DNM3: variants seen among roughly 807,000 people sequenced by gnomAD.
The protein encoded by DNM3 is dynamin-3.
Under a neutral mutation model 101.6 loss-of-function variants are expected in DNM3, and 47 were observed. That is an observed-to-expected ratio of 0.46 (90% CI 0.37 to 0.59). The LOEUF is 0.59. Ranked by LOEUF, DNM3 falls within the 20% of genes least tolerant of loss-of-function variation. DNM3 has a pLI of 0.00. For missense variants in DNM3, 849 were observed against 1,085.7 expected (o/e 0.78, Z 3.06); for synonymous variants, 385 against 387.9 (o/e 0.99, Z 0.09).
chr1:172,402,062 T>C (rs558676812), intron 20 of DNM3, among the ~76,000 whole-genome samples: 3 of 152,284 alleles, frequency 2.0e-5, no homozygotes, highest in African/African-American at 7.2e-5. Flanking sequence ...CTTGGGACAC[T>C]GCCCTCAGCA....
rs371582299 is a variant in DNM3 at position 172,388,753 on chromosome 1, C to T, written c.2466C>T (p.Phe822=). 8.4e-5 allele frequency: 136 copies of T among 1,610,142 alleles called. No individual in the cohort carries two copies. The African/African-American group carries it at 1.0e-3, about 12-fold the overall frequency. Residue 822 remains phenylalanine (F), a synonymous_variant, in exon 20 of 21, where the codon TTC becomes TTT. Coordinates refer to ENST00000627582, the MANE Select transcript of DNM3 (RefSeq NM_015569.5). ...LPPFPSSSDS[F]GAPPQVPSRP... ...CTTTCCCCAGCAGCAGTGACTCCTT[C>T]GGAGCCCCTCCACAAGTTCCATCTA...
chr1:172,153,012 G>A (rs542050154), intron 14 of DNM3, among the ~76,000 whole-genome samples: 1 of 152,122 alleles, frequency 6.6e-6, no homozygotes, highest in African/African-American at 2.4e-5. Flanking sequence ...GATTTAATTA[G>A]TTATATTTAC....
At chr1:171,883,052 T>C (rs1441011155) in intron 1 of DNM3, among the ~76,000 whole-genome samples, 1 of 151,906 alleles carries the variant, frequency 6.6e-6, no homozygotes, top group South Asian at 2.1e-4. Flanking sequence ...TTATTCTGTA[T>C]GTTCAATTTT....
intron 15 of DNM3, among the ~76,000 whole-genome samples, chr1:172,261,347 G>T (rs10911433): frequency 6.6e-6 from 1 of 152,118 alleles, no homozygotes; most frequent in Non-Finnish European, 1.5e-5. Context: ...CTGACTATGC[G>T]TAGTGGTGTA....
chr1:172,324,312 C>T (rs1035016833), intron 17 of DNM3, among the ~76,000 whole-genome samples: 4 of 152,206 alleles, frequency 2.6e-5, no homozygotes, highest in East Asian at 1.9e-4. Flanking sequence ...AGCTGGAATT[C>T]GTCAAAATTT....
chr1:172,235,642 A>C (rs1201048406), intron 14 of DNM3, among the ~76,000 whole-genome samples: 2 of 152,208 alleles, frequency 1.3e-5, no homozygotes, highest in Non-Finnish European at 2.9e-5. Flanking sequence ...TGGCACATAT[A>C]CACCATGGAA....
chr1:172,106,885 G>A (rs2055079765), intron 13 of DNM3, among the ~76,000 whole-genome samples: 1 of 94,518 alleles, frequency 1.1e-5, no homozygotes, highest in Non-Finnish European at 1.8e-5. Flanking sequence ...ACGGAGTCTC[G>A]CTCTGTCGCC....
chr1:171,984,173 C>A lies in DNM3; in HGVS notation c.236-3483C>A, dbSNP rs529202237. Among the ~76,000 whole-genome samples, 4 of 152,242 alleles carry A rather than the reference C, an allele frequency of 2.6e-5. No individual in the cohort carries two copies. In the East Asian group the frequency reaches 7.7e-4, roughly 29 times the overall value. On this transcript the variant is annotated intron_variant, in intron 2 of 20. Coordinates refer to ENST00000627582, the MANE Select transcript of DNM3 (RefSeq NM_015569.5). ...TGGTCTAAGCCTCAGCAGCTCTCCCCGGGATGATTTCAATAGTAAGCTTCC... is the reference window on the plus strand; with the variant it reads ...TGGTCTAAGCCTCAGCAGCTCTCCCAGGGATGATTTCAATAGTAAGCTTCC...
intron 1 of DNM3, among the ~76,000 whole-genome samples, chr1:171,864,945 T>G (rs2034566581): frequency 6.6e-6 from 1 of 152,136 alleles, no homozygotes; most frequent in Non-Finnish European, 1.5e-5. Context: ...GTAATGAAAT[T>G]AATCACTCAT....
intron 14 of DNM3, among the ~76,000 whole-genome samples, chr1:172,159,645 A>C (rs1362979303): frequency 6.6e-6 from 1 of 152,036 alleles, no homozygotes; most frequent in Non-Finnish European, 1.5e-5. Context: ...GAATTTGGCA[A>C]TGTGTGTGCT....
intron 20 of DNM3, among the ~76,000 whole-genome samples, chr1:172,392,944 G>C (rs2069652819): frequency 6.6e-6 from 1 of 152,210 alleles, no homozygotes; most frequent in African/African-American, 2.4e-5. Flanking sequence ...CTCCCTTGAA[G>C]GAGTCTCTGG....
intron 18 of DNM3, chr1:172,380,991 A>C (rs1311671291): frequency 2.6e-5 from 4 of 151,684 alleles, no homozygotes; most frequent in South Asian, 4.2e-4. Flanking sequence ...GAAAAAAAAA[A>C]AAAACAAAAA....
intron 2 of DNM3, among the ~76,000 whole-genome samples, chr1:171,978,401 T>A (rs6691703): frequency 0.26 from 39,832 of 151,832 alleles, 6,239 homozygotes; most frequent in African/African-American, 0.43. Context: ...CCAGAAGAGG[T>A]GCAGCTTATA....
chr1:172,065,459 G>A (rs935203822), intron 10 of DNM3, among the ~76,000 whole-genome samples: 1 of 152,190 alleles, frequency 6.6e-6, no homozygotes, highest in African/African-American at 2.4e-5. Flanking sequence ...GTTTGCACTA[G>A]TCAAGAAGGA....
chr1:172,118,917 C>G (rs1421109842), intron 13 of DNM3, among the ~76,000 whole-genome samples: 1 of 152,118 alleles, frequency 6.6e-6, no homozygotes, highest in African/African-American at 2.4e-5. Context: ...AGAAGGGAGC[C>G]TTTGGTACCC....
At chr1:171,853,271 C>T (rs2033191019) in intron 1 of DNM3, among the ~76,000 whole-genome samples, 1 of 152,074 alleles carries the variant, frequency 6.6e-6, no homozygotes. Context: ...TGATGAGATC[C>T]TCCCACCTCA....
chr1:171,966,324 GCT>G (rs2043586935), intron 2 of DNM3, among the ~76,000 whole-genome samples: 2 of 152,194 alleles, frequency 1.3e-5, no homozygotes, highest in African/African-American at 4.8e-5. Flanking sequence ...AGGATCTCAA[GCT>G]CTCTGAAAGG....
chr1:172,387,883 GT>G (rs926980184), intron 19 of DNM3, among the ~76,000 whole-genome samples: 1 of 152,074 alleles, frequency 6.6e-6, no homozygotes, highest in African/African-American at 2.4e-5. Context: ...GAACAAGACA[GT>G]TCTATTAAGT....
At chr1:172,003,459 A>G (rs934838720) in intron 4 of DNM3, among the ~76,000 whole-genome samples, 3 of 151,952 alleles carry the variant, frequency 2.0e-5, no homozygotes, top group Non-Finnish European at 2.9e-5. Context: ...TATGACAATG[A>G]AAAAAAGCGA....
Sources: allele counts gnomAD v4.1 joint callset (sites outside exome capture counted in the v4.1 genomes callset), GRCh38; gene constraint gnomAD v4.1.1; transcripts MANE v1.5; gene names NCBI Gene and HGNC (gene_info 2026-07-23, HGNC 2026-07-21).